CTNNA2: variants seen among roughly 807,000 people sequenced by gnomAD.
CTNNA2 encodes the protein catenin alpha 2, also known as catenin alpha-2.
CTNNA2 carries 42 observed loss-of-function variants against 101.0 expected under a neutral mutation model. The ratio of observed to expected loss-of-function variants is 0.42; its 90% CI spans 0.32 to 0.54. The LOEUF is 0.54. Among genes scored for constraint, CTNNA2 ranks in the 20% least tolerant of loss-of-function variants. The pLI, the probability that CTNNA2 is intolerant of heterozygous loss-of-function variation, is 0.14. For synonymous variants in CTNNA2, 450 were observed against 456.4 expected, an observed-to-expected ratio of 0.99 and a Z score of 0.18; for missense variants, 871 against 1,223.1, an observed-to-expected ratio of 0.71 and a Z score of 4.29.
chr2:79,398,192 A>G (rs1479056059), intron 4 of CTNNA2, among the ~76,000 whole-genome samples: 1 of 152,138 alleles, frequency 6.6e-6, no homozygotes, highest in Non-Finnish European at 1.5e-5. Context: ...TGTTTAGAAG[A>G]TTTGGGAAAT....
At chr2:79,790,860 A>G (rs1263844616) in intron 3 of CTNNA2, among the ~76,000 whole-genome samples, 1 of 152,222 alleles carries the variant, frequency 6.6e-6, no homozygotes, top group East Asian at 1.9e-4. Context: ...AGCCATAAAT[A>G]TTAGGGCCAT....
chr2:80,378,305 G>A (rs1419834502), intron 7 of CTNNA2, among the ~76,000 whole-genome samples: 1 of 151,764 alleles, frequency 6.6e-6, no homozygotes, highest in African/African-American at 2.4e-5. Flanking sequence ...GCAGTGAGCA[G>A]AGATTGCGCC....
intron 3 of CTNNA2, among the ~76,000 whole-genome samples, chr2:79,361,640 A>G (rs904906921): frequency 6.6e-6 from 1 of 152,164 alleles, no homozygotes; most frequent in Non-Finnish European, 1.5e-5. Context: ...TAGGATATAC[A>G]TATAAAGGGG....
intron 7 of CTNNA2, chr2:80,162,432 G>A (rs1704382570): frequency 6.5e-7 from 1 of 1,549,196 alleles, no homozygotes; most frequent in Non-Finnish European, 8.7e-7. Context: ...TAAAAACAAT[G>A]TGCTTTTAAC....
At chr2:80,510,687 T>A (rs1048090875) in intron 9 of CTNNA2, among the ~76,000 whole-genome samples, 3 of 152,220 alleles carry the variant, frequency 2.0e-5, no homozygotes, top group African/African-American at 7.2e-5. Flanking sequence ...CCATTGAAAG[T>A]AAATCAATTT....
At chr2:80,488,337 T>A (rs542298994) in intron 9 of CTNNA2, among the ~76,000 whole-genome samples, 2 of 152,224 alleles carry the variant, frequency 1.3e-5, no homozygotes, top group Non-Finnish European at 2.9e-5. Flanking sequence ...CCACCTGGCC[T>A]GGTTAATAGG....
intron 7 of CTNNA2, among the ~76,000 whole-genome samples, chr2:80,255,360 G>A (rs1672064790): frequency 6.6e-6 from 1 of 151,972 alleles, no homozygotes; most frequent in South Asian, 2.1e-4. Context: ...TACGGGCTCT[G>A]GTGCCTTTCT....
chr2:79,265,773 G>A (rs749965459), intron 2 of CTNNA2, among the ~76,000 whole-genome samples: 3 of 152,138 alleles, frequency 2.0e-5, no homozygotes, highest in Non-Finnish European at 2.9e-5. Flanking sequence ...ATAATTATTA[G>A]CATTGTAAGT....
At chr2:80,448,506 C>T (rs1683239620) in intron 9 of CTNNA2, among the ~76,000 whole-genome samples, 1 of 152,160 alleles carries the variant, frequency 6.6e-6, no homozygotes, top group South Asian at 2.1e-4. Context: ...ACCTGAGGAA[C>T]TTCAAAAACT....
intron 7 of CTNNA2, among the ~76,000 whole-genome samples, chr2:80,226,222 C>T (rs1031431422): frequency 2.0e-5 from 3 of 152,252 alleles, no homozygotes; most frequent in Admixed American, 6.5e-5. Context: ...CAGTTGGTCT[C>T]TCTTAATAGG....
intron 9 of CTNNA2, among the ~76,000 whole-genome samples, chr2:80,439,693 G>T (rs902917660): frequency 9.2e-5 from 14 of 152,174 alleles, no homozygotes; most frequent in Middle Eastern, 3.4e-3. Flanking sequence ...GAGCCACCAC[G>T]CCAGGCCTTA....
chr2:80,596,195 A>T (rs1573400593), intron 15 of CTNNA2, among the ~76,000 whole-genome samples: 1 of 127,864 alleles, frequency 7.8e-6, no homozygotes, highest in African/African-American at 2.9e-5. Flanking sequence ...AATGCCTGTG[A>T]TTTTTGCACA....
intron 7 of CTNNA2, among the ~76,000 whole-genome samples, chr2:80,095,187 T>G (rs562468464): frequency 6.6e-6 from 1 of 152,354 alleles, no homozygotes; most frequent in East Asian, 1.9e-4. Flanking sequence ...CATCAATACC[T>G]AATTTATTGA....
chr2:80,033,613 G>A (rs575633104), intron 7 of CTNNA2, among the ~76,000 whole-genome samples: 3 of 152,174 alleles, frequency 2.0e-5, no homozygotes, highest in African/African-American at 2.4e-5. Flanking sequence ...CACCAAATTC[G>A]TAGAATCAGA....
In CTNNA2 at chr2:80,212,834, A is replaced by C. The variant is rs562097108; in HGVS notation, c.1057-180377A>C. ...TCTGGTAGAATTTGGCTGTGAATCCATCTGGTCCTGGAATTTTTTTGGTTG... is the reference window on the plus strand; with the variant it reads ...TCTGGTAGAATTTGGCTGTGAATCCCTCTGGTCCTGGAATTTTTTTGGTTG... On this transcript the variant is annotated intron_variant, in intron 7 of 18. Coordinates refer to ENST00000402739, the MANE Select transcript of CTNNA2 (RefSeq NM_001282597.3). Among the ~76,000 whole-genome samples the C allele has an allele frequency of 1.7e-3, 261 of 152,260 alleles. No homozygotes were observed. The Middle Eastern group carries it at 0.02, about 12-fold the overall frequency.
intron 7 of CTNNA2, among the ~76,000 whole-genome samples, chr2:79,997,093 A>G (rs1443553534): frequency 6.6e-6 from 1 of 152,128 alleles, no homozygotes; most frequent in Non-Finnish European, 1.5e-5. Flanking sequence ...CAATTGGTCA[A>G]CAACTCTTCC....
intron 4 of CTNNA2, among the ~76,000 whole-genome samples, chr2:79,501,883 A>G (rs1671323530): frequency 6.6e-6 from 1 of 151,844 alleles, no homozygotes; most frequent in African/African-American, 2.4e-5. Flanking sequence ...GATGGAGGTG[A>G]ATCCGACGAC....
intron 9 of CTNNA2, among the ~76,000 whole-genome samples, chr2:80,466,809 T>C (rs1037009): frequency 0.38 from 57,104 of 152,080 alleles, 11,662 homozygotes; most frequent in East Asian, 0.74. Flanking sequence ...GATTATAAAT[T>C]TGGGGTTCCC....
intron 3 of CTNNA2, among the ~76,000 whole-genome samples, chr2:79,781,562 T>C (rs1259573398): frequency 6.6e-6 from 1 of 152,204 alleles, no homozygotes; most frequent in Non-Finnish European, 1.5e-5. Context: ...TCTTATGAGA[T>C]GTTGCTAATT....
Sources: allele counts gnomAD v4.1 joint callset (sites outside exome capture counted in the v4.1 genomes callset), GRCh38; gene constraint gnomAD v4.1.1; transcripts MANE v1.5; gene names NCBI Gene and HGNC (gene_info 2026-07-23, HGNC 2026-07-21).